The following ANK2 variants were observed in gnomAD, a reference collection of about 807,000 sequenced individuals.
The protein encoded by ANK2 is ankyrin 2.
A neutral mutation model predicts 360.5 loss-of-function variants in ANK2; 83 were observed. The observed-to-expected ratio is 0.23, with a 90% CI of 0.19 to 0.28. ANK2 has a LOEUF of 0.28. Among genes scored for constraint, ANK2 ranks in the 10% least tolerant of loss-of-function variants. ANK2 has a pLI of 1.00. For missense variants in ANK2, 4,201 were observed against 4,795.7 expected, an observed-to-expected ratio of 0.88 and a Z score of 3.66; for synonymous variants, 1,740 against 1,759.5, an observed-to-expected ratio of 0.99 and a Z score of 0.28.
At chr4:112,863,961 G>T (rs1485150936) in intron 1 of ANK2, among the ~76,000 whole-genome samples, 1 of 152,078 alleles carries the variant, frequency 6.6e-6, no homozygotes, top group Non-Finnish European at 1.5e-5. Context: ...ATTATTCAAA[G>T]AATTACTAAG....
chr4:112,783,201 G>A, the ANK2 span, among the ~76,000 whole-genome samples: 5 of 152,170 alleles, frequency 3.3e-5, no homozygotes, highest in South Asian at 2.1e-4. Flanking sequence ...GAGCCACCTC[G>A]CCTGGCCTAA....
At chr4:112,761,295 AAC>A in the ANK2 span, among the ~76,000 whole-genome samples, 3 of 152,062 alleles carry the variant, frequency 2.0e-5, no homozygotes, top group Admixed American at 2.0e-4. Context: ...TGGTGTCTTA[AAC>A]AGTGTTCTGA....
intron 1 of ANK2, chr4:112,826,473 A>T: frequency 9.0e-7 from 1 of 1,114,606 alleles, no homozygotes; most frequent in Non-Finnish European, 1.4e-6. Context: ...TCCATCTGTG[A>T]AACCTTTTGT....
In ANK2 at chr4:113,354,717, G is replaced by A. The variant is rs1588935108; in HGVS notation, c.6099G>A (p.Lys2033=). 1 of 1,613,898 alleles carries A rather than the reference G, an allele frequency of 6.2e-7. No homozygotes were observed. Among genetic ancestry groups the A allele is most frequent in the Non-Finnish European group, 8.5e-7 (1 of 1,179,968 alleles). The part of the protein sequence containing the change: ...EKGKVRVEKE[K]GPILTQREAQ... ...GTAAAGTTCGGGTAGAAAAAGAAAA[G>A]GGGCCGATACTAACCCAGAGAGAAG... is the stretch of plus-strand genomic sequence containing the variant. Residue 2033 remains lysine (K), a synonymous_variant, in exon 38 of 46, where the codon AAG becomes AAA. Coordinates refer to ENST00000357077, the MANE Select transcript of ANK2 (RefSeq NM_001148.6).
intron 2 of ANK2, among the ~76,000 whole-genome samples, chr4:112,997,384 C>T (rs1359955004): frequency 6.6e-6 from 1 of 151,938 alleles, no homozygotes; most frequent in Non-Finnish European, 1.5e-5. Context: ...ATCTGTGATC[C>T]CTCTTATTTA....
At chr4:113,235,572 G>T (rs1423749677) in intron 5 of ANK2, among the ~76,000 whole-genome samples, 1 of 151,802 alleles carries the variant, frequency 6.6e-6, no homozygotes, top group Non-Finnish European at 1.5e-5. Context: ...GGGATTACAG[G>T]TGCACGCCAC....
chr4:113,076,371 A>G (rs1243790501), intron 1 of ANK2, among the ~76,000 whole-genome samples: 1 of 152,258 alleles, frequency 6.6e-6, no homozygotes, highest in Non-Finnish European at 1.5e-5. Flanking sequence ...CGGTATCAGT[A>G]TTATCTAAAC....
intron 34 of ANK2, among the ~76,000 whole-genome samples, chr4:113,344,160 T>C (rs1272472665): frequency 6.6e-6 from 1 of 152,196 alleles, no homozygotes; most frequent in Non-Finnish European, 1.5e-5. Context: ...TAGACAGCTA[T>C]ATAATTAAGC....
chr4:112,736,397 A>G, the ANK2 span, among the ~76,000 whole-genome samples: 6 of 151,104 alleles, frequency 4.0e-5, no homozygotes, highest in Admixed American at 6.6e-5. Flanking sequence ...CCTGGGAGGT[A>G]GAGGTTGCTG....
intron 2 of ANK2, among the ~76,000 whole-genome samples, chr4:113,175,995 G>A (rs2098182817): frequency 6.6e-6 from 1 of 152,180 alleles, no homozygotes; most frequent in Admixed American, 6.5e-5. Flanking sequence ...TTTTATCTGG[G>A]CTATTTCTCA....
chr4:113,288,341 T>C, intron 19 of ANK2, 47 bp from the exon 20 acceptor site: 1 of 1,501,648 alleles, frequency 6.7e-7, no homozygotes, highest in Non-Finnish European at 9.2e-7. Context: ...ACTAGAGTAG[T>C]AAAGTTTCTA....
At chr4:113,205,963 C>T (rs1198723251) in intron 4 of ANK2, among the ~76,000 whole-genome samples, 1 of 152,174 alleles carries the variant, frequency 6.6e-6, no homozygotes, top group African/African-American at 2.4e-5. Flanking sequence ...CATATGCACA[C>T]ACACACATAC....
At chr4:113,006,587 A>T (rs756199869) in intron 2 of ANK2, among the ~76,000 whole-genome samples, 1 of 152,234 alleles carries the variant, frequency 6.6e-6, no homozygotes, top group Non-Finnish European at 1.5e-5. Flanking sequence ...ATAAATGGGC[A>T]CAGGATTTCT....
chr4:113,284,153 C>T (rs750253797), intron 18 of ANK2, among the ~76,000 whole-genome samples: 4 of 152,124 alleles, frequency 2.6e-5, no homozygotes, highest in African/African-American at 4.8e-5. Flanking sequence ...AGAACGAACA[C>T]GATAAAGCCT....
chr4:112,855,525 C>T (rs2066153751), intron 1 of ANK2, among the ~76,000 whole-genome samples: 1 of 152,142 alleles, frequency 6.6e-6, no homozygotes, highest in South Asian at 2.1e-4. Flanking sequence ...TTGTAGAATA[C>T]AGTCTTTTTC....
At chr4:113,116,641 A>T (rs1432981241) in intron 1 of ANK2, among the ~76,000 whole-genome samples, 1 of 152,202 alleles carries the variant, frequency 6.6e-6, no homozygotes, top group Non-Finnish European at 1.5e-5. Flanking sequence ...AAAGGCAGGA[A>T]TTCATGTCAT....
intron 1 of ANK2, among the ~76,000 whole-genome samples, chr4:113,153,132 GT>G (rs1196963510): frequency 6.6e-6 from 1 of 151,496 alleles, no homozygotes; most frequent in African/African-American, 2.4e-5. Flanking sequence ...TCATCAATGA[GT>G]TCCAAAAGGG....
At position 113,326,275 on chromosome 4, in the gene ANK2, A is replaced by T. The variant is rs558095966; in HGVS notation, c.2901-3971A>T. ...AATGCTCAGATGCTTACCCAATTTT[A>T]TATTATCAACTGTTGGGATTCACTG... On this transcript the variant is annotated intron_variant, in intron 26 of 45. Transcript: ENST00000357077. Among the ~76,000 whole-genome samples, 8 of 152,272 alleles carry T rather than the reference A, an allele frequency of 5.3e-5. No homozygotes were observed. The South Asian group carries it at 1.2e-3, about 24-fold the overall frequency.
intron 2 of ANK2, among the ~76,000 whole-genome samples, chr4:112,933,904 A>G (rs561059975): frequency 6.1e-5 from 9 of 147,836 alleles, no homozygotes; most frequent in African/African-American, 2.2e-4. Context: ...ACCTTGTGGA[A>G]TTTTTTTTTT....
Sources: allele counts gnomAD v4.1 joint callset (sites outside exome capture counted in the v4.1 genomes callset), GRCh38; gene constraint gnomAD v4.1.1; transcripts MANE v1.5; gene names NCBI Gene and HGNC (gene_info 2026-07-23, HGNC 2026-07-21).